The following CDH4 variants were observed in gnomAD, a reference collection of about 807,000 sequenced individuals.
The protein encoded by CDH4 is cadherin-4.
Under a neutral mutation model 86.0 loss-of-function variants are expected in CDH4, and 33 were observed. That is an observed-to-expected ratio of 0.38 (90% CI 0.29 to 0.51). The LOEUF is 0.51. Among genes scored for constraint, CDH4 ranks in the 20% least tolerant of loss-of-function variants. The pLI is 0.86. For missense variants in CDH4, 1,114 were observed against 1,307.4 expected (o/e 0.85, Z 2.28); for synonymous variants, 555 against 549.4 (o/e 1.01, Z -0.14).
chr20:61,719,096 A>G, intron 2 of CDH4: 1 of 471,024 alleles, frequency 2.1e-6, no homozygotes, highest in Non-Finnish European at 4.4e-6. Context: ...AATGATCAAA[A>G]TCGTATCCCA....
intron 2 of CDH4, among the ~76,000 whole-genome samples, chr20:61,598,766 C>T (rs758573706): frequency 2.0e-5 from 3 of 152,182 alleles, no homozygotes; most frequent in Admixed American, 6.5e-5. Flanking sequence ...CTGACGCACC[C>T]GAGGGACTGG....
At chr20:61,291,677 C>T (rs373222416) in intron 2 of CDH4, among the ~76,000 whole-genome samples, 23 of 41,466 alleles carry the variant, frequency 5.5e-4, no homozygotes, top group South Asian at 2.9e-3. Flanking sequence ...ACCAGGTTAC[C>T]GGGGGTTTCC....
At chr20:61,932,864 G>C (rs1490997968) in intron 13 of CDH4, 121 bp from the exon 14 acceptor site, 1 of 1,325,402 alleles carries the variant, frequency 7.5e-7, no homozygotes, top group African/African-American at 1.5e-5. Context: ...ATGCACACAT[G>C]GGCACAGTCA....
intron 2 of CDH4, among the ~76,000 whole-genome samples, chr20:61,273,314 A>T (rs2084196532): frequency 8.0e-6 from 1 of 125,750 alleles, no homozygotes. Context: ...AGTTTGGGGG[A>T]ATACCATGTG....
At chr20:61,605,762 G>C (rs971675774) in intron 2 of CDH4, among the ~76,000 whole-genome samples, 2 of 152,094 alleles carry the variant, frequency 1.3e-5, no homozygotes, top group Non-Finnish European at 2.9e-5. Flanking sequence ...GCCGTGAGAA[G>C]CTGTGACCTG....
chr20:61,798,837 G>A (rs1340269406), intron 4 of CDH4, among the ~76,000 whole-genome samples: 6 of 152,190 alleles, frequency 3.9e-5, no homozygotes, highest in East Asian at 1.9e-4. Context: ...AGGACACGGC[G>A]CTGGTCCCAG....
At chr20:61,578,466 T>A (rs2086401444) in intron 2 of CDH4, among the ~76,000 whole-genome samples, 1 of 152,240 alleles carries the variant, frequency 6.6e-6, no homozygotes, top group African/African-American at 2.4e-5. Flanking sequence ...CTGGTTGAAC[T>A]CTGAGCAATG....
chr20:61,717,008 G>T (rs2087963812), intron 2 of CDH4, among the ~76,000 whole-genome samples: 1 of 152,228 alleles, frequency 6.6e-6, no homozygotes, highest in Non-Finnish European at 1.5e-5. Context: ...ACCAGGTAGA[G>T]GAAACCCTCT....
At chr20:61,632,639 C>T (rs1011346980) in intron 2 of CDH4, among the ~76,000 whole-genome samples, 1 of 151,790 alleles carries the variant, frequency 6.6e-6, no homozygotes, top group Non-Finnish European at 1.5e-5. Context: ...CATCCATTTC[C>T]CCACCTCTCT....
In CDH4 at chr20:61,296,284, C is replaced by CGT. The variant is rs796871073; in HGVS notation, c.169+41359_169+41360dup. Among the ~76,000 whole-genome samples, 115 of 86,274 alleles carry CGT rather than the reference C, an allele frequency of 1.3e-3. 2 individuals carry two copies. The highest frequency in any genetic ancestry group is 5.3e-3 in the African/African-American group (113 of 21,288). The allele number at this position is 86,274 out of a possible 152,430, so 56.6% of individuals were successfully genotyped here. On this transcript the variant is annotated intron_variant, in intron 2 of 15. Coordinates refer to ENST00000614565, the MANE Select transcript of CDH4 (RefSeq NM_001794.5). ...GTGCGTGTGTGTGTGTGCGTGGGTG[C>CGT]GTGTGTGTGTGTGCGTGGGTGCGTG...
intron 2 of CDH4, among the ~76,000 whole-genome samples, chr20:61,725,582 A>C (rs759177815): frequency 3.9e-5 from 6 of 152,174 alleles, no homozygotes; most frequent in Non-Finnish European, 7.3e-5. Flanking sequence ...TGAAACTGCC[A>C]CAGGAATGCT....
At chr20:61,316,945 G>T (rs117259560) in intron 2 of CDH4, among the ~76,000 whole-genome samples, 1 of 152,072 alleles carries the variant, frequency 6.6e-6, no homozygotes, top group Non-Finnish European at 1.5e-5. Flanking sequence ...GTACCTGAAC[G>T]TCTGGCAGCA....
At chr20:61,458,542 G>A (rs1018643608) in intron 2 of CDH4, among the ~76,000 whole-genome samples, 2 of 152,138 alleles carry the variant, frequency 1.3e-5, no homozygotes, top group African/African-American at 4.8e-5. Flanking sequence ...CACTGGTGGT[G>A]GTGATGATAA....
chr20:61,905,089 C>T (rs535463766), intron 8 of CDH4, among the ~76,000 whole-genome samples: 3 of 152,364 alleles, frequency 2.0e-5, no homozygotes, highest in South Asian at 4.1e-4. Context: ...TTCTAGATTA[C>T]AGTCTCGGCA....
intron 7 of CDH4, among the ~76,000 whole-genome samples, chr20:61,886,784 G>A (rs1392408897): frequency 6.6e-6 from 1 of 152,168 alleles, no homozygotes; most frequent in Non-Finnish European, 1.5e-5. Flanking sequence ...GTGGGAGGGC[G>A]CCGTGCCCCT....
intron 15 of CDH4, among the ~76,000 whole-genome samples, chr20:61,936,132 T>C (rs6142886): frequency 0.23 from 34,359 of 151,594 alleles, 4,302 homozygotes; most frequent in East Asian, 0.38. Flanking sequence ...TGCCAGGTTC[T>C]GACTTCTGTC....
intron 2 of CDH4, among the ~76,000 whole-genome samples, chr20:61,636,242 A>C (rs1333704074): frequency 6.6e-6 from 1 of 152,202 alleles, no homozygotes; most frequent in African/African-American, 2.4e-5. Flanking sequence ...TCAGACCATG[A>C]ATCGCATAAG....
chr20:61,717,119 G>A (rs1231166800), intron 2 of CDH4, among the ~76,000 whole-genome samples: 14 of 152,156 alleles, frequency 9.2e-5, no homozygotes. Flanking sequence ...GTCAGGGCAG[G>A]GTGGCAGGAG....
chr20:61,296,262 C>CAT (rs1031206047), intron 2 of CDH4, among the ~76,000 whole-genome samples: 5 of 44,500 alleles, frequency 1.1e-4, no homozygotes, highest in East Asian at 1.3e-3. Context: ...TGCATGTGTG[C>CAT]GTGTGTGTGT....
Sources: gnomAD v4.1 joint callset for allele counts (sites outside exome capture counted in the v4.1 genomes callset) on GRCh38, gnomAD v4.1.1 for gene constraint, MANE v1.5 for transcripts, NCBI Gene and HGNC (gene_info 2026-07-23, HGNC 2026-07-21) for gene names.